ADGRG6: variants seen among roughly 807,000 people sequenced by gnomAD.
ADGRG6 encodes the protein G-protein coupled receptor 126.
In ADGRG6, 84 loss-of-function variants were observed where a neutral mutation model predicts 142.4. The ratio of observed to expected loss-of-function variants is 0.59; its 90% CI spans 0.49 to 0.71. ADGRG6 has a LOEUF of 0.71. Ranked by LOEUF, ADGRG6 falls within the 30% of genes least tolerant of loss-of-function variation. ADGRG6 has a pLI of 0.00. For missense variants in ADGRG6, 1,367 were observed against 1,466.6 expected, an observed-to-expected ratio of 0.93 and a Z score of 1.11; for synonymous variants, 521 against 520.5, an observed-to-expected ratio of 1.00 and a Z score of -0.01.
chr6:142,381,530 C>T (rs9496360), intron 4 of ADGRG6, among the ~76,000 whole-genome samples: 2,535 of 152,272 alleles, frequency 0.017, 74 homozygotes, highest in African/African-American at 0.057. Flanking sequence ...TTACAAATAG[C>T]ATATGCTAGG....
Position 142,383,782 on chromosome 6 carries a change from T to C in ADGRG6, c.1161T>C (p.Thr387=), listed in dbSNP as rs778465876. 6 of 1,573,266 alleles carry C rather than the reference T, an allele frequency of 3.8e-6. No individual in the cohort carries two copies. The highest frequency in any genetic ancestry group is 4.4e-6 in the Non-Finnish European group (5 of 1,143,546). Residue 387 remains threonine, a synonymous_variant, in exon 6 of 25, where the codon ACT becomes ACC. Transcript: ENST00000367609. The part of the protein sequence containing the change: ...LCQATVNSPS[T]TPPTVTTNMP... Reference sequence around the variant, plus strand: ...CAGCTACTGTAAACTCTCCTAGTACTACACCACCCACTGTCACCACTAACA... The same window carrying C: ...CAGCTACTGTAAACTCTCCTAGTACCACACCACCCACTGTCACCACTAACA...
intron 22 of ADGRG6, 74 bp from the exon 23 acceptor site, chr6:142,437,360 T>G: frequency 1.4e-6 from 1 of 714,852 alleles, no homozygotes; most frequent in Non-Finnish European, 2.4e-6. Flanking sequence ...TTAAAATGAA[T>G]CCATGTATTT....
intron 2 of ADGRG6, among the ~76,000 whole-genome samples, chr6:142,335,111 G>A (rs1779250001): frequency 6.6e-6 from 1 of 152,164 alleles, no homozygotes. Context: ...AAGAGCTACA[G>A]GCAAATATTC....
At chr6:142,425,255 G>T (rs1562387046) in intron 22 of ADGRG6, among the ~76,000 whole-genome samples, 1 of 152,156 alleles carries the variant, frequency 6.6e-6, no homozygotes, top group Non-Finnish European at 1.5e-5. Flanking sequence ...CTGCCCAGTA[G>T]GGTCTGTAGG....
At chr6:142,371,793 G>C (rs945700104) in intron 4 of ADGRG6, among the ~76,000 whole-genome samples, 3 of 152,092 alleles carry the variant, frequency 2.0e-5, no homozygotes, top group South Asian at 2.1e-4. Context: ...CCCAGTTACT[G>C]TTTTTAATCA....
intron 9 of ADGRG6, 82 bp downstream of exon 9, chr6:142,394,040 A>G: frequency 1.1e-6 from 1 of 902,344 alleles, no homozygotes; most frequent in Admixed American, 2.2e-5. Flanking sequence ...GAAAACAATT[A>G]GATAGGAAAG....
chr6:142,435,868 G>A (rs898693152), intron 22 of ADGRG6, among the ~76,000 whole-genome samples: 1 of 152,220 alleles, frequency 6.6e-6, no homozygotes, highest in Admixed American at 6.5e-5. Flanking sequence ...TCTCTGAGGA[G>A]TTAACAGTTG....
In ADGRG6 at chr6:142,352,067, C is replaced by T. The variant is rs574907843; in HGVS notation, c.104-15502C>T. ...GAAAACAGTGTGGAGATTTTTTTAG[C>T]GAACTTAAAACAGAACTACCATTGG... On this transcript the variant is annotated intron_variant, in intron 2 of 24. Coordinates refer to ENST00000367609, the MANE Select transcript of ADGRG6 (RefSeq NM_198569.3). Among the ~76,000 whole-genome samples, 180 of 152,044 alleles carry T rather than the reference C, an allele frequency of 1.2e-3. 2 individuals carry two copies. Among genetic ancestry groups the T allele is most frequent in the African/African-American group, 3.8e-3 (159 of 41,496 alleles).
intron 6 of ADGRG6, among the ~76,000 whole-genome samples, chr6:142,384,883 G>A (rs1428966198): frequency 6.6e-6 from 1 of 151,978 alleles, no homozygotes; most frequent in Non-Finnish European, 1.5e-5. Flanking sequence ...GGGTTATAAA[G>A]ACATCGATTC....
intron 4 of ADGRG6, among the ~76,000 whole-genome samples, chr6:142,377,753 T>A (rs1380161077): frequency 6.6e-6 from 1 of 152,224 alleles, no homozygotes; most frequent in East Asian, 1.9e-4. Context: ...TGATATTGAC[T>A]TTTTATGCAG....
intron 15 of ADGRG6, 72 bp from the exon 16 acceptor site, chr6:142,408,078 T>G: frequency 1.7e-6 from 2 of 1,158,550 alleles, no homozygotes; most frequent in Non-Finnish European, 2.4e-6. Flanking sequence ...GACAGTTTGC[T>G]TATTTTGGAG....
rs1160299259 is a variant in ADGRG6 at position 142,416,035 on chromosome 6, A to G, written c.2909A>G (p.Tyr970Cys). The G allele has an allele frequency of 2.5e-6, 4 of 1,612,970 alleles. No individual in the cohort carries two copies. Among genetic ancestry groups the G allele is most frequent in the Non-Finnish European group, 3.4e-6 (4 of 1,179,204 alleles). The stretch of plus-strand genomic sequence containing the variant: ...GTATTTAACACTTACATTCGCCGAT[A>G]CATTCTAAAATTCTGCATCATTGGC... The part of the protein sequence containing the change: ...VKVFNTYIRR[Y>C]ILKFCIIGWG... The change falls in exon 20 of 25, where the codon TAC becomes TGC. Residue 970 changes from tyrosine to cysteine, a missense_variant. By Grantham distance (194) the Tyr-to-Cys change is radical. This residue lies in a region of ADGRG6 where 344 missense variants were observed against 348.7 expected (regional missense o/e 0.99). Transcript: ENST00000367609.
chr6:142,412,026 C>T (rs1403615714), intron 18 of ADGRG6, among the ~76,000 whole-genome samples: 1 of 152,118 alleles, frequency 6.6e-6, no homozygotes, highest in African/African-American at 2.4e-5. Flanking sequence ...TTCCTTCCTT[C>T]TTCCATGCCC....
rs1299451623 is a variant in ADGRG6, at chr6:142,375,024, C to T, written c.1069+4231C>T. On this transcript the variant is annotated intron_variant, in intron 4 of 24. Transcript: ENST00000367609. The stretch of plus-strand genomic sequence containing the variant: ...TCTTGAATGTATTTCTCCAGTCTAA[C>T]TGAAATTTTCCATCCTTTGACCCAT... Among the ~76,000 whole-genome samples the T allele has an allele frequency of 3.3e-5, 5 of 152,264 alleles. No individual in the cohort carries two copies. In the East Asian group the frequency reaches 7.7e-4, roughly 24 times the overall value.
At chr6:142,418,520 G>C (rs936403969) in intron 21 of ADGRG6, among the ~76,000 whole-genome samples, 1 of 151,882 alleles carries the variant, frequency 6.6e-6, no homozygotes, top group African/African-American at 2.4e-5. Context: ...CATTATTCCA[G>C]GGACATTTAT....
At chr6:142,413,534 T>G (rs905211776) in intron 18 of ADGRG6, among the ~76,000 whole-genome samples, 9 of 152,230 alleles carry the variant, frequency 5.9e-5, no homozygotes, top group Non-Finnish European at 1.0e-4. Context: ...ATTTAATTTC[T>G]ATTTGAAATT....
At chr6:142,349,259 T>G (rs1298425498) in intron 2 of ADGRG6, among the ~76,000 whole-genome samples, 2 of 152,194 alleles carry the variant, frequency 1.3e-5, no homozygotes, top group African/African-American at 4.8e-5. Flanking sequence ...GAGATTAGAA[T>G]GCAGGGGGTT....
intron 2 of ADGRG6, among the ~76,000 whole-genome samples, chr6:142,348,579 A>G (rs1249505246): frequency 2.0e-5 from 3 of 152,070 alleles, no homozygotes; most frequent in Non-Finnish European, 4.4e-5. Context: ...CATGTGCTTC[A>G]AAAACATTCA....
At chr6:142,442,066 A>G (rs1777778584) in intron 24 of ADGRG6, among the ~76,000 whole-genome samples, 2 of 152,210 alleles carry the variant, frequency 1.3e-5, no homozygotes, top group Non-Finnish European at 1.5e-5. Flanking sequence ...AAGACAACAG[A>G]TATCATGATG....
Sources: allele counts gnomAD v4.1 joint callset (sites outside exome capture counted in the v4.1 genomes callset), GRCh38; gene constraint gnomAD v4.1.1; regional missense constraint gnomAD v4.1.1; transcripts MANE v1.5; gene names NCBI Gene and HGNC (gene_info 2026-07-23, HGNC 2026-07-21).